Variants in SYNE2 observed in about 807,000 individuals in gnomAD.
SYNE2 encodes spectrin repeat containing nuclear envelope protein 2, also known as nesprin-2.
Under a neutral mutation model 856.3 loss-of-function variants are expected in SYNE2, and 431 were observed. That is an observed-to-expected ratio of 0.50 (90% CI 0.47 to 0.55). SYNE2 has a LOEUF of 0.55. Among genes scored for constraint, SYNE2 ranks in the 20% least tolerant of loss-of-function variants. SYNE2 has a pLI of 0.00. For synonymous variants in SYNE2, 2,923 were observed against 2,872.3 expected, an observed-to-expected ratio of 1.02 and a Z score of -0.56; for missense variants, 8,129 against 8,023.2, an observed-to-expected ratio of 1.01 and a Z score of -0.50.
chr14:63,828,850 C>A (rs1348917316), intron 1 of SYNE2, among the ~76,000 whole-genome samples: 1 of 152,110 alleles, frequency 6.6e-6, no homozygotes, highest in Non-Finnish European at 1.5e-5. Flanking sequence ...ATTTTGGTAT[C>A]ATCGTGTGTT....
chr14:64,156,705 C>T (rs2098289083), intron 85 of SYNE2, among the ~76,000 whole-genome samples: 1 of 152,010 alleles, frequency 6.6e-6, no homozygotes, highest in Non-Finnish European at 1.5e-5. Context: ...GTGATCCAAC[C>T]ACCTTGGCCT....
intron 7 of SYNE2, among the ~76,000 whole-genome samples, chr14:63,951,010 CTT>C (rs34081498): frequency 9.0e-5 from 13 of 144,754 alleles, no homozygotes; most frequent in African/African-American, 1.5e-4. Context: ...GTGCTCATAT[CTT>C]TTTTTTTTTT....
intron 51 of SYNE2, 58 bp downstream of exon 51, chr14:64,065,708 T>G: frequency 6.3e-7 from 1 of 1,580,412 alleles, no homozygotes; most frequent in East Asian, 2.3e-5. Flanking sequence ...TAAATTGTTT[T>G]ATTACTTTCA....
At chr14:63,953,895 A>G (rs957602274) in intron 7 of SYNE2, among the ~76,000 whole-genome samples, 2 of 152,058 alleles carry the variant, frequency 1.3e-5, no homozygotes, top group African/African-American at 2.4e-5. Context: ...AGGTTCCTTC[A>G]TGTTGTAGCA....
chr14:63,977,836 G>C, intron 12 of SYNE2, 69 bp from the exon 13 acceptor site: 4 of 1,085,004 alleles, frequency 3.7e-6, no homozygotes, highest in Non-Finnish European at 5.7e-6. Context: ...ATGCAAGTGA[G>C]ATTGACAAAC....
At chr14:64,130,018 G>A (rs2097998141) in intron 75 of SYNE2, 30 bp from the exon 76 acceptor site, 1 of 1,613,344 alleles carries the variant, frequency 6.2e-7, no homozygotes, top group Non-Finnish European at 8.5e-7. Context: ...GGATGAAAAT[G>A]CATGTGTGCA....
chr14:63,936,814 A>G (rs1378039213), intron 2 of SYNE2, among the ~76,000 whole-genome samples: 2 of 152,184 alleles, frequency 1.3e-5, no homozygotes, highest in Non-Finnish European at 1.5e-5. Context: ...AAGATCTGTT[A>G]GGAATCTGTC....
intron 99 of SYNE2, among the ~76,000 whole-genome samples, chr14:64,197,275 A>AGCAT (rs1314527184): frequency 6.6e-6 from 1 of 152,176 alleles, no homozygotes; most frequent in Non-Finnish European, 1.5e-5. Context: ...TCCCAGCGTC[A>AGCAT]GCATGCGTGT....
chr14:63,999,554 G>A (rs892561296), intron 27 of SYNE2, among the ~76,000 whole-genome samples: 1 of 152,110 alleles, frequency 6.6e-6, no homozygotes, highest in Non-Finnish European at 1.5e-5. Context: ...TCTAAATGAT[G>A]GATTCTCCTC....
At chr14:63,981,736 T>C (rs781125304) in intron 16 of SYNE2, among the ~76,000 whole-genome samples, 1 of 152,232 alleles carries the variant, frequency 6.6e-6, no homozygotes, top group Non-Finnish European at 1.5e-5. Context: ...TGGTTTTTCT[T>C]TCTTTCATTT....
At chr14:64,005,363 G>C (rs1346890685) in intron 30 of SYNE2, among the ~76,000 whole-genome samples, 1 of 152,208 alleles carries the variant, frequency 6.6e-6, no homozygotes, top group Non-Finnish European at 1.5e-5. Flanking sequence ...TAATGTGGTA[G>C]AAAGTGTTGA....
At chr14:64,219,562 T>C in intron 110 of SYNE2, 152 bp downstream of exon 110, 1 of 803,594 alleles carries the variant, frequency 1.2e-6, no homozygotes, top group East Asian at 2.7e-5. Flanking sequence ...AGTTCCATAG[T>C]TGGCAAGGAC....
Position 64,225,631 on chromosome 14 carries a change from G to A in SYNE2, c.*105G>A. 2 of 1,236,608 alleles carry A rather than the reference G, an allele frequency of 1.6e-6. No homozygotes were observed. The highest frequency in any genetic ancestry group is 2.6e-5 in the South Asian group (2 of 78,260). The allele number at this position is 1,236,608 out of a possible 1,614,324, so 76.6% of individuals were successfully genotyped here. ...TGACTTAGTGTTGGCAAGGTCCCGG[G>A]ACCTGTGCAGACTTCTTCTGGGCTT... is the stretch of plus-strand genomic sequence containing the variant. On this transcript the variant is annotated 3_prime_UTR_variant, in exon 116 of 116. Coordinates refer to ENST00000555002, the MANE Select transcript of SYNE2 (RefSeq NM_182914.3).
At chr14:63,834,214 T>C (rs1889769505) in intron 1 of SYNE2, among the ~76,000 whole-genome samples, 1 of 152,108 alleles carries the variant, frequency 6.6e-6, no homozygotes, top group South Asian at 2.1e-4. Context: ...AATACAAATA[T>C]TAACCAGGTG....
At chr14:64,152,441 A>C in intron 84 of SYNE2, 123 bp from the exon 85 acceptor site, 5 of 908,072 alleles carry the variant, frequency 5.5e-6, no homozygotes, top group Non-Finnish European at 8.4e-6. Flanking sequence ...CTTTGATGTA[A>C]TGCTATTTAA....
At chr14:63,833,623 T>C (rs906050167) in intron 1 of SYNE2, among the ~76,000 whole-genome samples, 11 of 152,212 alleles carry the variant, frequency 7.2e-5, no homozygotes, top group Non-Finnish European at 1.5e-5. Context: ...CATTTGGAAG[T>C]AGCATGTGTC....
At chr14:64,222,681 G>T (rs984839224) in intron 112 of SYNE2, among the ~76,000 whole-genome samples, 6 of 152,124 alleles carry the variant, frequency 3.9e-5, no homozygotes, top group African/African-American at 1.4e-4. Flanking sequence ...AGCCCAGATC[G>T]TGCCACTGTA....
intron 1 of SYNE2, among the ~76,000 whole-genome samples, chr14:63,816,363 C>A (rs1888994228): frequency 6.6e-6 from 1 of 152,082 alleles, no homozygotes; most frequent in Non-Finnish European, 1.5e-5. Flanking sequence ...GAGACTAGTT[C>A]AATGGATTAT....
At chr14:63,792,581 ATATT>A (rs1157256863) in intron 1 of SYNE2, among the ~76,000 whole-genome samples, 6 of 152,268 alleles carry the variant, frequency 3.9e-5, no homozygotes, top group Admixed American at 3.9e-4. Context: ...TGGAATAACT[ATATT>A]TATATCAGAT....
Sources: gnomAD v4.1 joint callset for allele counts (sites outside exome capture counted in the v4.1 genomes callset) on GRCh38, gnomAD v4.1.1 for gene constraint, MANE v1.5 for transcripts, NCBI Gene and HGNC (gene_info 2026-07-23, HGNC 2026-07-21) for gene names.